The following CBLB variants were observed in gnomAD, a reference collection of about 807,000 sequenced individuals.
CBLB encodes Cbl proto-oncogene B, also known as E3 ubiquitin-protein ligase CBL-B.
CBLB carries 31 observed loss-of-function variants against 104.9 expected under a neutral mutation model. That is an observed-to-expected ratio of 0.30 (90% CI 0.22 to 0.40). The LOEUF (loss-of-function observed/expected upper bound fraction) is 0.40, where lower values mean the gene tolerates loss of function less well. CBLB is among the 10% of genes least tolerant of loss of function. CBLB has a pLI of 1.00. For synonymous variants in CBLB, 440 were observed against 422.6 expected (o/e 1.04, Z -0.51); for missense variants, 1,062 against 1,214.6 (o/e 0.87, Z 1.87).
intron 10 of CBLB, among the ~76,000 whole-genome samples, chr3:105,712,839 T>C (rs1323911203): frequency 1.3e-5 from 2 of 152,168 alleles, no homozygotes; most frequent in African/African-American, 4.8e-5. Context: ...TGGTAACCAA[T>C]AAAATTTTGG....
intron 4 of CBLB, among the ~76,000 whole-genome samples, chr3:105,765,146 A>G (rs1256286443): frequency 6.6e-6 from 1 of 152,242 alleles, no homozygotes; most frequent in Non-Finnish European, 1.5e-5. Flanking sequence ...ACAAAACAAC[A>G]GATAATTAAT....
intron 2 of CBLB, among the ~76,000 whole-genome samples, chr3:105,855,240 G>A (rs1223338834): frequency 6.6e-6 from 1 of 152,182 alleles, no homozygotes; most frequent in East Asian, 1.9e-4. Flanking sequence ...GTAGAACAGT[G>A]GGTGGGCCCC....
intron 3 of CBLB, among the ~76,000 whole-genome samples, chr3:105,783,232 T>G (rs1454146212): frequency 6.6e-6 from 1 of 152,204 alleles, no homozygotes; most frequent in African/African-American, 2.4e-5. Context: ...TCTAAAAATT[T>G]TGAATAAAAA....
intron 3 of CBLB, among the ~76,000 whole-genome samples, chr3:105,831,027 G>A (rs953717258): frequency 1.3e-5 from 2 of 152,144 alleles, no homozygotes; most frequent in Non-Finnish European, 2.9e-5. Context: ...ATTTAAATAC[G>A]AAATTGCATG....
intron 10 of CBLB, among the ~76,000 whole-genome samples, chr3:105,717,801 G>T (rs1037618797): frequency 6.6e-5 from 10 of 152,116 alleles, no homozygotes; most frequent in African/African-American, 2.4e-4. Flanking sequence ...TACTAACTCA[G>T]ATTATGGAGT....
chr3:105,816,081 A>T (rs1289304026), intron 3 of CBLB, among the ~76,000 whole-genome samples: 1 of 152,158 alleles, frequency 6.6e-6, no homozygotes, highest in Non-Finnish European at 1.5e-5. Context: ...GAGGGATAGC[A>T]TTAGGAGAAA....
intron 17 of CBLB, 173 bp from the exon 18 acceptor site, chr3:105,670,525 A>AT (rs2064958972): frequency 3.4e-6 from 2 of 596,902 alleles, no homozygotes; most frequent in South Asian, 4.1e-5. Context: ...TAATTTATTC[A>AT]TCACTTGCTT....
rs1055677785 is a variant in CBLB at position 105,767,085 on chromosome 3, A to T, written c.566+9311T>A. Among the ~76,000 whole-genome samples, 6 of 152,124 alleles carry T rather than the reference A, an allele frequency of 3.9e-5. No homozygotes were observed. In the South Asian group the frequency reaches 6.2e-4, roughly 16 times the overall value. On this transcript the variant is annotated intron_variant, in intron 4 of 18. Transcript: ENST00000394030. ...CCTTATTGACATAAAGATACCTGAA[A>T]TTTTTTTTAACAGGCAACAAAGGGA...
chr3:105,799,251 T>C (rs1040287125), intron 3 of CBLB, among the ~76,000 whole-genome samples: 1 of 149,096 alleles, frequency 6.7e-6, no homozygotes, highest in African/African-American at 2.5e-5. Flanking sequence ...GAGGGTATTA[T>C]CAAAATAAAA....
Position 105,806,884 on chromosome 3 carries a change from T to C in CBLB, c.420-30342A>G, listed in dbSNP as rs2083574893. On this transcript the variant is annotated intron_variant, in intron 3 of 18. Transcript: ENST00000394030. The stretch of plus-strand genomic sequence containing the variant: ...GCTGATTTGTGTAAAACATTCATTG[T>C]TGCTTCCAAAACTTAAAAAAATTTT... Among the ~76,000 whole-genome samples the C allele has an allele frequency of 2.0e-5, 3 of 152,210 alleles. 1 individual carries two copies. The South Asian group carries it at 6.2e-4, about 32-fold the overall frequency.
At chr3:105,716,117 A>T (rs754004793) in intron 10 of CBLB, among the ~76,000 whole-genome samples, 3 of 152,216 alleles carry the variant, frequency 2.0e-5, no homozygotes, top group African/African-American at 7.2e-5. Context: ...AATGAATGAC[A>T]AAAGAATGAT....
intron 3 of CBLB, among the ~76,000 whole-genome samples, chr3:105,834,730 T>C (rs944906247): frequency 3.9e-5 from 6 of 152,100 alleles, no homozygotes; most frequent in Non-Finnish European, 8.8e-5. Flanking sequence ...TTCCCCACTA[T>C]ACATAAATGA....
chr3:105,739,258 T>A (rs1024895254), intron 7 of CBLB, among the ~76,000 whole-genome samples: 3 of 152,228 alleles, frequency 2.0e-5, no homozygotes, highest in Non-Finnish European at 4.4e-5. Flanking sequence ...TGTATAAATC[T>A]CATCACTTTT....
intron 3 of CBLB, among the ~76,000 whole-genome samples, chr3:105,810,621 A>G (rs1284860083): frequency 6.6e-6 from 1 of 152,154 alleles, no homozygotes; most frequent in Non-Finnish European, 1.5e-5. Flanking sequence ...ATGATAGATA[A>G]CTTACTGACC....
chr3:105,734,581 C>A (rs1217642499), intron 8 of CBLB, among the ~76,000 whole-genome samples: 1 of 152,088 alleles, frequency 6.6e-6, no homozygotes, highest in Non-Finnish European at 1.5e-5. Flanking sequence ...GTTTCAATAT[C>A]TTTAGAAATC....
intron 2 of CBLB, among the ~76,000 whole-genome samples, chr3:105,862,872 C>G (rs1451621580): frequency 6.6e-6 from 1 of 152,122 alleles, no homozygotes; most frequent in Non-Finnish European, 1.5e-5. Flanking sequence ...ATGCTTCATT[C>G]TACACCAACT....
At position 105,845,653 on chromosome 3, in the gene CBLB, G is replaced by T. The variant is rs114850573; in HGVS notation, c.419+7761C>A. On this transcript the variant is annotated intron_variant, in intron 3 of 18. Coordinates refer to ENST00000394030, the MANE Select transcript of CBLB (RefSeq NM_170662.5). Reference sequence around the variant, plus strand: ...AGGGGTGCAGTTAGCCAAATACACAGGGCCATAAAGTCCTTAACAGTCAAA... The same window carrying T: ...AGGGGTGCAGTTAGCCAAATACACATGGCCATAAAGTCCTTAACAGTCAAA... Among the ~76,000 whole-genome samples, 780 of 151,980 alleles carry T rather than the reference G, an allele frequency of 5.1e-3. 5 individuals carry two copies. The highest frequency in any genetic ancestry group is 0.018 in the African/African-American group (763 of 41,492).
chr3:105,657,818 A>C lies in CBLB; in HGVS notation c.*1152T>G. On this transcript the variant is annotated 3_prime_UTR_variant, in exon 19 of 19. Coordinates refer to ENST00000394030, the MANE Select transcript of CBLB (RefSeq NM_170662.5). ...AACTCTAATTTGATTGCAGAGAGAA[A>C]ATTACTGAGAACTTTGCAAAAAACA... is the stretch of plus-strand genomic sequence containing the variant. 1 of 206,408 alleles carries C rather than the reference A, an allele frequency of 4.8e-6. No homozygotes were observed. Among genetic ancestry groups the C allele is most frequent in the Non-Finnish European group, 9.9e-6 (1 of 101,080 alleles). The allele number at this position is 206,408 out of a possible 1,614,324, so 12.8% of individuals were successfully genotyped here.
At chr3:105,767,188 T>C (rs1226898577) in intron 4 of CBLB, among the ~76,000 whole-genome samples, 1 of 152,162 alleles carries the variant, frequency 6.6e-6, no homozygotes, top group African/African-American at 2.4e-5. Context: ...CTTTAGAGTA[T>C]CTGCTAAAAA....
Sources: gnomAD v4.1 joint callset for allele counts (sites outside exome capture counted in the v4.1 genomes callset) on GRCh38, gnomAD v4.1.1 for gene constraint, MANE v1.5 for transcripts, NCBI Gene and HGNC (gene_info 2026-07-23, HGNC 2026-07-21) for gene names.